The following UBAP2L variants were observed in gnomAD, a reference collection of about 807,000 sequenced individuals.
UBAP2L encodes ubiquitin-associated protein 2-like.
In UBAP2L, 12 loss-of-function variants were observed where a neutral mutation model predicts 130.6. The ratio of observed to expected loss-of-function variants is 0.09; its 90% confidence interval spans 0.06 to 0.15. UBAP2L has a LOEUF of 0.15. UBAP2L is among the 10% of genes least tolerant of loss of function. The pLI, the probability that UBAP2L is intolerant of heterozygous loss-of-function variation, is 1.00. For synonymous variants in UBAP2L, 503 were observed against 524.7 expected (o/e 0.96, Z 0.57); for missense variants, 965 against 1,332.5 (o/e 0.72, Z 4.29).
Position 154,246,287 on chromosome 1 carries a change from C to T in UBAP2L, c.926C>T (p.Ser309Phe). ...AATCTGGATCCGTCTCAGGCTCCTT[C>T]TCTGGCCCAGCCTCTGGTGTTCAGT... ...SSNLDPSQAP[S>F]LAQPLVFSNS... Residue 309 changes from serine to phenylalanine, a missense_variant, in exon 11 of 27, where the codon TCT becomes TTT. Ser to Phe is a radical substitution (Grantham distance 155, BLOSUM62 -2). Around this residue, in one of 9 missense-constraint regions of UBAP2L, gnomAD observed 99 missense variants for 106.4 expected, o/e 0.93. Transcript: ENST00000428931. 1.2e-6 allele frequency: 2 copies of T among 1,613,874 alleles called. No individual in the cohort carries two copies. Among genetic ancestry groups the T allele is most frequent in the Non-Finnish European group, 1.7e-6 (2 of 1,179,944 alleles).
upstream of UBAP2L, chr1:154,220,391 T>C (rs765392017): frequency 6.2e-7 from 1 of 1,614,198 alleles, no homozygotes; most frequent in East Asian, 2.2e-5. Context: ...GGAGAGCCAG[T>C]TACTGCCGGA....
chr1:154,265,848 T>C (rs2149078474), intron 24 of UBAP2L, among the ~76,000 whole-genome samples: 1 of 152,296 alleles, frequency 6.6e-6, no homozygotes, highest in South Asian at 2.1e-4. Flanking sequence ...TACCTATCCC[T>C]CCCCACCCCG....
chr1:154,248,683 G>A (rs936281199), intron 11 of UBAP2L, among the ~76,000 whole-genome samples: 1 of 152,116 alleles, frequency 6.6e-6, no homozygotes, highest in African/African-American at 2.4e-5. Flanking sequence ...GGGTGTGGTG[G>A]CGGGTGCCTG....
At chr1:154,233,569 C>T (rs892202509) in intron 4 of UBAP2L, among the ~76,000 whole-genome samples, 7 of 147,312 alleles carry the variant, frequency 4.8e-5, no homozygotes, top group African/African-American at 8.1e-5. Context: ...GTGATCTGCC[C>T]GCCTTGGCCT....
Position 154,261,126 on chromosome 1 carries a change from G to A in UBAP2L, c.2796+17G>A, listed in dbSNP as rs1212128556. ...GTGTTCCCTGTGAGTACCTGGCTTT[G>A]GTCACTCCTTGTGGTGAAGGATCCT... On this transcript the variant is annotated intron_variant, in intron 23 of 26. Coordinates refer to ENST00000428931, the MANE Select transcript of UBAP2L (RefSeq NM_014847.4). 1 of 1,611,020 alleles carries A rather than the reference G, an allele frequency of 6.2e-7. No homozygotes were observed. The highest frequency in any genetic ancestry group is 1.7e-5 in the Admixed American group (1 of 59,726).
intron 22 of UBAP2L, 97 bp downstream of exon 22, chr1:154,260,126 G>A: frequency 3.8e-6 from 5 of 1,326,138 alleles, no homozygotes; most frequent in Non-Finnish European, 1.1e-6. Context: ...TGATAAATCA[G>A]GATTGGTAGA....
chr1:154,260,060 A>T, intron 22 of UBAP2L, 31 bp downstream of exon 22: 1 of 1,604,546 alleles, frequency 6.2e-7, no homozygotes, highest in Non-Finnish European at 8.5e-7. Flanking sequence ...AATAAATAAA[A>T]AGGGAGATAG....
intron 8 of UBAP2L, among the ~76,000 whole-genome samples, chr1:154,240,582 GCTTTT>G: frequency 6.6e-6 from 1 of 152,176 alleles, no homozygotes; most frequent in South Asian, 2.1e-4. Flanking sequence ...CTCTATAGGG[GCTTTT>G]CTTATACAGT....
intron 6 of UBAP2L, 62 bp from the exon 7 acceptor site, chr1:154,236,504 A>G: frequency 6.3e-7 from 1 of 1,582,194 alleles, no homozygotes; most frequent in South Asian, 1.1e-5. Context: ...CTGCCTGGCA[A>G]GGAAGTTTTA....
chr1:154,237,000 A>G, intron 7 of UBAP2L, 24 bp from the exon 8 acceptor site: 2 of 1,584,784 alleles, frequency 1.3e-6, no homozygotes, highest in Non-Finnish European at 1.7e-6. Flanking sequence ...GAGGTCAGAG[A>G]CTCTTAAGTT....
At chr1:154,229,105 T>TTTTTATTTTATTTTATTTTA (rs57728113) in intron 4 of UBAP2L, among the ~76,000 whole-genome samples, 1 of 151,722 alleles carries the variant, frequency 6.6e-6, no homozygotes, top group African/African-American at 2.4e-5. Context: ...TTTTTTTTTC[T>TTTTTATTTTATTTTATTTTA]TTTTATTTTA....
chr1:154,247,387 T>C (rs1201681218), intron 11 of UBAP2L, among the ~76,000 whole-genome samples: 2 of 152,012 alleles, frequency 1.3e-5, no homozygotes, highest in African/African-American at 4.8e-5. Context: ...TGGGATTAAA[T>C]AGAAAAAGAA....
At chr1:154,235,473 C>A (rs1006305863) in intron 6 of UBAP2L, among the ~76,000 whole-genome samples, 182 bp downstream of exon 6, 1 of 152,100 alleles carries the variant, frequency 6.6e-6, no homozygotes, top group African/African-American at 2.4e-5. Context: ...CTGCCTCAGC[C>A]TCCCTAGTAG....
At chr1:154,233,113 A>T (rs1457881474) in intron 4 of UBAP2L, among the ~76,000 whole-genome samples, 1 of 151,846 alleles carries the variant, frequency 6.6e-6, no homozygotes, top group Non-Finnish European at 1.5e-5. Context: ...TCCTGGGTTC[A>T]AGCGATTCTC....
chr1:154,270,786 T>TTTTTTAG lies in UBAP2L; in HGVS notation c.*491_*492insTTTTTAG. 1 of 1,249,170 alleles carries TTTTTTAG rather than the reference T, an allele frequency of 8.0e-7. No individual in the cohort carries two copies. The highest frequency in any genetic ancestry group is 1.0e-6 in the Non-Finnish European group (1 of 969,280). The allele number at this position is 1,249,170 out of a possible 1,614,324, so 77.4% of individuals were successfully genotyped here. The stretch of plus-strand genomic sequence containing the variant: ...TTTTTTTTTGTTTTTTTTTTTTTTT[T>TTTTTTAG]GTACTGTGTCCTCAAATTTAATGGA... On this transcript the variant is annotated 3_prime_UTR_variant, in exon 27 of 27. Coordinates refer to ENST00000428931, the MANE Select transcript of UBAP2L (RefSeq NM_014847.4).
Position 154,257,406 on chromosome 1 carries a change from T to G in UBAP2L, c.2414T>G (p.Met805Arg). 6.2e-7 allele frequency: 1 copy of G among 1,613,098 alleles called. No homozygotes were observed. The highest frequency in any genetic ancestry group is 8.5e-7 in the Non-Finnish European group (1 of 1,180,048). Reference sequence around the variant, plus strand: ...CCGTTGTTGCCTAATCCGTATATTATGGCTCCAGGGCTGTTACATGCCTAC... The same window carrying G: ...CCGTTGTTGCCTAATCCGTATATTAGGGCTCCAGGGCTGTTACATGCCTAC... ...VPPLLPNPYIMAPGLLHAYPP... is the reference protein window; with the variant it reads ...VPPLLPNPYIRAPGLLHAYPP... The change falls in exon 20 of 27, where the codon ATG becomes AGG. Residue 805 changes from methionine (M) to arginine (R), a missense_variant. By Grantham distance (91) the Met-to-Arg change is moderately conservative. Around this residue, in one of 9 missense-constraint regions of UBAP2L, gnomAD observed 393 missense variants for 408.1 expected, o/e 0.96. Transcript: ENST00000428931.
In UBAP2L at chr1:154,270,606, G is replaced by T; in HGVS notation, c.*311G>T. ...GCTTCCTCCTGTTCACCCTGGTGGT[G>T]TACGGATGAGGCGGGGAGGTGGGAC... On this transcript the variant is annotated 3_prime_UTR_variant, in exon 27 of 27. Transcript: ENST00000428931. 2 of 1,414,024 alleles carry T rather than the reference G, an allele frequency of 1.4e-6. No individual in the cohort carries two copies. The highest frequency in any genetic ancestry group is 1.8e-6 in the Non-Finnish European group (2 of 1,089,556). 87.6% of individuals were successfully genotyped at this position (1,414,024 alleles called of 1,614,324 possible).
At chr1:154,271,226 A>C, downstream of UBAP2L, 1 of 345,126 alleles carries the variant, frequency 2.9e-6, no homozygotes, top group East Asian at 5.7e-5. Context: ...TCAAAGAAAA[A>C]AAATGCTTTA....
At position 154,261,443 on chromosome 1, in the gene UBAP2L, TAGTA is replaced by T. The variant is rs1038534659; in HGVS notation, c.2797-146_2797-143del. On this transcript the variant is annotated intron_variant, in intron 23 of 26. Coordinates refer to ENST00000428931, the MANE Select transcript of UBAP2L (RefSeq NM_014847.4). ...CTTCATTAGTAGATTCTAGAACAGT[TAGTA>T]AGGAGCTAATTTCACTAAGCAAACT... 9 of 779,372 alleles carry T rather than the reference TAGTA, an allele frequency of 1.2e-5. No individual in the cohort carries two copies. In the Admixed American group the frequency reaches 1.9e-4, roughly 16 times the overall value. The allele number at this position is 779,372 out of a possible 1,614,324, so 48.3% of individuals were successfully genotyped here.
Sources: allele counts gnomAD v4.1 joint callset (sites outside exome capture counted in the v4.1 genomes callset), GRCh38; gene constraint gnomAD v4.1.1; regional missense constraint gnomAD v4.1.1; transcripts MANE v1.5; gene names NCBI Gene and HGNC (gene_info 2026-07-23, HGNC 2026-07-21).